Variants in CCNJ observed in about 807,000 individuals in gnomAD.
CCNJ encodes the protein cyclin-J.
In CCNJ, 12 loss-of-function variants were observed where a neutral mutation model predicts 41.4. That is an observed-to-expected ratio of 0.29 (90% CI 0.19 to 0.47). CCNJ has a LOEUF of 0.47. Among genes scored for constraint, CCNJ ranks in the 20% least tolerant of loss-of-function variants. The pLI is 1.00. For missense variants in CCNJ, 340 were observed against 464.6 expected, an observed-to-expected ratio of 0.73 and a Z score of 2.47; for synonymous variants, 161 against 173.4, an observed-to-expected ratio of 0.93 and a Z score of 0.56.
chr10:96,044,124 C>G (rs889453968), intron 1 of CCNJ, among the ~76,000 whole-genome samples: 1 of 152,214 alleles, frequency 6.6e-6, no homozygotes, highest in Non-Finnish European at 1.5e-5. Context: ...CCCTTTTGCC[C>G]GACACATAGT....
Position 96,056,757 on chromosome 10 carries a change from G to A in CCNJ, c.337G>A (p.Gly113Ser), listed in dbSNP as rs56312714. ...TAAGCTGGAGCAGCTCAACAGCCTG[G>A]GTTGTATGACTAATATGAATCTAGT... ...VPKLEQLNSL[G>S]CMTNMNLVLT... Residue 113 changes from glycine (G) to serine (S), a missense_variant, in exon 4 of 6, where the codon GGT becomes AGT. Physicochemically the swap from Gly to Ser is moderately conservative, Grantham distance 56. This residue lies in a region of CCNJ where 137 missense variants were observed against 252.9 expected (regional missense o/e 0.54). Transcript: ENST00000465148. 6.2e-6 allele frequency: 10 copies of A among 1,613,590 alleles called. No individual in the cohort carries two copies. In the Admixed American group the frequency reaches 1.3e-4, roughly 22 times the overall value.
rs776431314 is a variant in CCNJ, at chr10:96,058,127, T to C, written c.1038T>C (p.Val346=). ...VQGLGHMQTG[V]GMSLAIPVEV... ...GCCTTGGGCACATGCAGACTGGTGT[T>C]GGGATGTCACTGGCAATACCAGTAG... Residue 346 remains valine, a synonymous_variant, in exon 6 of 6, where the codon GTT becomes GTC. Transcript: ENST00000465148. The C allele has an allele frequency of 9.9e-6, 16 of 1,614,092 alleles. No homozygotes were observed. The highest frequency in any genetic ancestry group is 1.4e-5 in the Non-Finnish European group (16 of 1,180,036).
chr10:96,043,689 G>A lies in CCNJ; in HGVS notation c.-72G>A, dbSNP rs984897387. On this transcript the variant is annotated 5_prime_UTR_variant, in exon 1 of 6. Transcript: ENST00000465148. ...GGGCCGGCGTCCGCCGCACGACGGC[G>A]GGGCTGGGGCTGTGAGGGCCGCGGT... The A allele has an allele frequency of 2.8e-5, 11 of 393,430 alleles. No homozygotes were observed. The highest frequency in any genetic ancestry group is 1.7e-4 in the African/African-American group (8 of 48,338). The allele number at this position is 393,430 out of a possible 1,614,324, so 24.4% of individuals were successfully genotyped here. A position where few individuals can be genotyped will look rare whatever the true frequency, so the allele number is the denominator to read the frequency against.
rs541312045 is a variant in CCNJ, at chr10:96,048,106, A to G, written c.70-2150A>G. 3.4e-4 allele frequency among the ~76,000 whole-genome samples: 52 copies of G among 152,314 alleles called. 1 individual carries two copies. The highest frequency in any genetic ancestry group is 3.1e-3 in the Admixed American group (47 of 15,294). The stretch of plus-strand genomic sequence containing the variant: ...CTCCAGCTCCATCCATCTCTCTGCA[A>G]AGGACGTGATCTTGTTCCTTTTCAT... On this transcript the variant is annotated intron_variant, in intron 2 of 5. Coordinates refer to ENST00000465148, the MANE Select transcript of CCNJ (RefSeq NM_001134375.2).
chr10:96,056,970 G>A lies in CCNJ; in HGVS notation c.550G>A (p.Ala184Thr). 1 of 1,614,012 alleles carries A rather than the reference G, an allele frequency of 6.2e-7. No individual in the cohort carries two copies. Among genetic ancestry groups the A allele is most frequent in the Non-Finnish European group, 8.5e-7 (1 of 1,179,964 alleles). ...EKTKLYMAKY[A>T]DYFLEVSLQD... is the part of the protein sequence containing the mutation. ...GACTAAACTCTACATGGCCAAATAT[G>A]CAGATTACTTCCTGGAAGTATCTTT... The change falls in exon 4 of 6, where the codon GCA (alanine) becomes ACA (threonine). Residue 184 changes from alanine to threonine, a missense_variant. By Grantham distance (58) the Ala-to-Thr change is moderately conservative. Around this residue, in one of 3 missense-constraint regions of CCNJ, gnomAD observed 137 missense variants for 252.9 expected, o/e 0.54. Transcript: ENST00000465148.
chr10:96,048,494 AGT>A, intron 2 of CCNJ, among the ~76,000 whole-genome samples: 1 of 152,192 alleles, frequency 6.6e-6, no homozygotes, highest in East Asian at 1.9e-4. Context: ...TGTACAGTTC[AGT>A]GACATTAGGT....
Position 96,058,583 on chromosome 10 carries a change from C to T in CCNJ, c.*342C>T, listed in dbSNP as rs11596126. 0.12 allele frequency: 49,072 copies of T among 420,864 alleles called. 3,181 individuals are homozygous for T. Among genetic ancestry groups the T allele is most frequent in the African/African-American group, 0.14 (6,977 of 49,328 alleles). The allele number at this position is 420,864 out of a possible 1,614,324, so 26.1% of individuals were successfully genotyped here. A position where few individuals can be genotyped will look rare whatever the true frequency, so the allele number is the denominator to read the frequency against. The stretch of plus-strand genomic sequence containing the variant: ...ATTTGACCTGTGGTAGCATCTGGGC[C>T]TAATGTTGGCTTCTAAGTCAAAGAC... On this transcript the variant is annotated 3_prime_UTR_variant, in exon 6 of 6. Coordinates refer to ENST00000465148, the MANE Select transcript of CCNJ (RefSeq NM_001134375.2).
At chr10:96,043,495 C>T (rs779239917), upstream of CCNJ, 16 of 390,524 alleles carry the variant, frequency 4.1e-5, no homozygotes, top group African/African-American at 6.2e-5. Context: ...CGGGGCGACC[C>T]CGCTGTATCG....
rs768144241 is a variant in CCNJ, at chr10:96,060,137, AG to A, written c.*1898del. On this transcript the variant is annotated 3_prime_UTR_variant, in exon 6 of 6. Coordinates refer to ENST00000465148, the MANE Select transcript of CCNJ (RefSeq NM_001134375.2). ...AAACTTGAATTATTTGGGGGAAAGT[AG>A]GCTCAAAAGAGAATATATCTTTCAC... The A allele has an allele frequency of 5.9e-5, 9 of 152,624 alleles. No individual in the cohort carries two copies. Among genetic ancestry groups the A allele is most frequent in the Non-Finnish European group, 8.8e-5 (6 of 68,028 alleles). The allele number at this position is 152,624 out of a possible 1,614,324, so 9.5% of individuals were successfully genotyped here. A position where few individuals can be genotyped will look rare whatever the true frequency, so the allele number is the denominator to read the frequency against.
chr10:96,043,130 G>A (rs1173976516), upstream of CCNJ, among the ~76,000 whole-genome samples: 1 of 152,212 alleles, frequency 6.6e-6, no homozygotes, highest in East Asian at 1.9e-4. Flanking sequence ...GGTGCAACGT[G>A]AAGTAAGGTA....
intron 1 of CCNJ, among the ~76,000 whole-genome samples, 154 bp downstream of exon 1, chr10:96,043,873 G>C (rs923542440): frequency 6.6e-6 from 1 of 152,186 alleles, no homozygotes; most frequent in African/African-American, 2.4e-5. Context: ...GGGGCTCCCG[G>C]GGAGGAGCAG....
chr10:96,050,222 T>C (rs1184675464), intron 2 of CCNJ, 34 bp from the exon 3 acceptor site: 6 of 1,412,428 alleles, frequency 4.2e-6, no homozygotes, highest in Middle Eastern at 3.6e-4. Flanking sequence ...CGCCTACAGA[T>C]AGGTCAGACT....
chr10:96,056,040 T>C (rs1053464066), intron 3 of CCNJ, among the ~76,000 whole-genome samples: 8 of 152,262 alleles, frequency 5.3e-5, no homozygotes, highest in African/African-American at 1.9e-4. Flanking sequence ...CCGGGCGCAG[T>C]GGCTCACGCC....
rs111545428 is a variant in CCNJ at position 96,054,765 on chromosome 10, T to C, written c.281-1936T>C. 9.7e-3 allele frequency among the ~76,000 whole-genome samples: 1,473 copies of C among 152,324 alleles called. 23 individuals carry two copies. The highest frequency in any genetic ancestry group is 0.032 in the African/African-American group (1,343 of 41,578). On this transcript the variant is annotated intron_variant, in intron 3 of 5. Coordinates refer to ENST00000465148, the MANE Select transcript of CCNJ (RefSeq NM_001134375.2). Reference sequence around the variant, plus strand: ...GAAATTGGTCATATGCAATTTTTTTTCCCAATGTTGAAGATTTCAAGGAGA... The same window carrying C: ...GAAATTGGTCATATGCAATTTTTTTCCCCAATGTTGAAGATTTCAAGGAGA...
rs775522053 is a variant in CCNJ at position 96,058,311 on chromosome 10, C to T, written c.*70C>T. On this transcript the variant is annotated 3_prime_UTR_variant, in exon 6 of 6. Coordinates refer to ENST00000465148, the MANE Select transcript of CCNJ (RefSeq NM_001134375.2). The stretch of plus-strand genomic sequence containing the variant: ...AAGCTATGGGTAAGCGTTTTGTAAA[C>T]TTCTGTTCAAAAGGAAAGGGATCTA... 20 of 1,350,806 alleles carry T rather than the reference C, an allele frequency of 1.5e-5. No homozygotes were observed. Among genetic ancestry groups the T allele is most frequent in the Non-Finnish European group, 1.8e-5 (18 of 974,232 alleles). 83.7% of individuals were successfully genotyped at this position (1,350,806 alleles called of 1,614,324 possible).
rs2080488130 is a variant in CCNJ, at chr10:96,050,346, T to G, written c.160T>G (p.Phe54Val). 1 of 1,613,808 alleles carries G rather than the reference T, an allele frequency of 6.2e-7. No homozygotes were observed. Among genetic ancestry groups the G allele is most frequent in the African/African-American group, 1.3e-5 (1 of 74,904 alleles). The change falls in exon 3 of 6, where the codon TTC (phenylalanine) becomes GTC (valine). Residue 54 changes from phenylalanine (F) to valine (V), a missense_variant. Coordinates refer to ENST00000465148, the MANE Select transcript of CCNJ (RefSeq NM_001134375.2). ...CTTGATTGCCATTGTGAGCAATCGC[T>G]TCACACTCTGCCCTTCTGCCCGCCA... ...ADLIAIVSNR[F>V]TLCPSARHLA...
intron 3 of CCNJ, 41 bp from the exon 4 acceptor site, chr10:96,056,660 C>G (rs982558800): frequency 6.2e-6 from 9 of 1,441,300 alleles, no homozygotes; most frequent in Non-Finnish European, 8.5e-6. Context: ...TGATCACTTG[C>G]CTGACATTTT....
At chr10:96,056,201 C>T (rs2142065698) in intron 3 of CCNJ, among the ~76,000 whole-genome samples, 1 of 151,274 alleles carries the variant, frequency 6.6e-6, no homozygotes, top group East Asian at 1.9e-4. Flanking sequence ...CCCAGCTACT[C>T]GGGAGGCTGA....
chr10:96,056,383 A>C (rs2080693247), intron 3 of CCNJ, among the ~76,000 whole-genome samples: 1 of 152,158 alleles, frequency 6.6e-6, no homozygotes. Context: ...CTGCAAAAAA[A>C]ATTTCCTGAA....
Sources: gnomAD v4.1 joint callset for allele counts (sites outside exome capture counted in the v4.1 genomes callset) on GRCh38, gnomAD v4.1.1 for gene constraint, gnomAD v4.1.1 regional missense constraint, MANE v1.5 for transcripts, NCBI Gene and HGNC (gene_info 2026-07-23, HGNC 2026-07-21) for gene names.